Variants in PRKCH observed in about 807,000 individuals in gnomAD.
PRKCH encodes protein kinase C eta type.
Under a neutral mutation model 82.5 loss-of-function variants are expected in PRKCH, and 28 were observed. The ratio of observed to expected loss-of-function variants is 0.34; its 90% CI spans 0.25 to 0.47. The LOEUF is 0.47. Ranked by LOEUF, PRKCH falls within the 20% of genes least tolerant of loss-of-function variation. The probability of loss-of-function intolerance (pLI) is 1.00; values close to 1 mark genes in which losing one functional copy is unlikely to be tolerated. For synonymous variants in PRKCH, 322 were observed against 327.4 expected (o/e 0.98, Z 0.18); for missense variants, 705 against 881.8 (o/e 0.80, Z 2.54).
intron 1 of PRKCH, among the ~76,000 whole-genome samples, chr14:61,192,018 TTGTGTG>T (rs67540297): frequency 1.2e-3 from 184 of 148,718 alleles, no homozygotes; most frequent in Non-Finnish European, 2.0e-3. Flanking sequence ...TCCTAAAACA[TTGTGTG>T]TGTGTGTGTG....
At chr14:61,223,107 T>A (rs2044668102) in intron 1 of PRKCH, among the ~76,000 whole-genome samples, 1 of 152,166 alleles carries the variant, frequency 6.6e-6, no homozygotes, top group Admixed American at 6.5e-5. Flanking sequence ...CAATTCTCCA[T>A]AAGCAAAGAT....
At chr14:61,377,873 C>G (rs2046445730) in intron 1 of PRKCH, among the ~76,000 whole-genome samples, 1 of 152,170 alleles carries the variant, frequency 6.6e-6, no homozygotes, top group Non-Finnish European at 1.5e-5. Context: ...TAGACAAAAT[C>G]TTCCTTTTAC....
At chr14:61,291,052 A>AG (rs2045356703) in intron 1 of PRKCH, among the ~76,000 whole-genome samples, 1 of 152,220 alleles carries the variant, frequency 6.6e-6, no homozygotes, top group African/African-American at 2.4e-5. Flanking sequence ...GAAATAATTT[A>AG]GTGTTTGCTC....
At chr14:61,447,262 T>C (rs958442777) in intron 4 of PRKCH, among the ~76,000 whole-genome samples, 18 of 152,256 alleles carry the variant, frequency 1.2e-4, no homozygotes, top group African/African-American at 4.3e-4. Flanking sequence ...ATTTTTAACA[T>C]GTATGTATGT....
chr14:61,292,045 G>A (rs1594894717), intron 1 of PRKCH, among the ~76,000 whole-genome samples: 1 of 152,008 alleles, frequency 6.6e-6, no homozygotes, highest in Admixed American at 6.6e-5. Flanking sequence ...CAAGAGTCCC[G>A]GAACTCACAT....
intron 10 of PRKCH, among the ~76,000 whole-genome samples, chr14:61,501,345 A>G (rs1886897545): frequency 6.6e-6 from 1 of 152,152 alleles, no homozygotes; most frequent in Admixed American, 6.5e-5. Flanking sequence ...AACAATTAAA[A>G]GAAAGAATAC....
chr14:61,225,070 TG>T (rs2044686722), intron 1 of PRKCH, among the ~76,000 whole-genome samples: 1 of 152,212 alleles, frequency 6.6e-6, no homozygotes, highest in African/African-American at 2.4e-5. Context: ...AAAGCAGCTT[TG>T]GCCGGGGTGA....
chr14:61,203,025 T>A (rs1006783788), intron 1 of PRKCH, among the ~76,000 whole-genome samples: 1 of 152,078 alleles, frequency 6.6e-6, no homozygotes, highest in Non-Finnish European at 1.5e-5. Flanking sequence ...CACCTGTTCA[T>A]CTCTCCCCCT....
In PRKCH at chr14:61,443,363, T is replaced by G. The variant is rs1297933395; in HGVS notation, c.578+102T>G. 3.3e-6 allele frequency: 4 copies of G among 1,228,568 alleles called. No individual in the cohort carries two copies. In the African/African-American group the frequency reaches 4.6e-5, roughly 14 times the overall value. 76.1% of individuals were successfully genotyped at this position (1,228,568 alleles called of 1,614,324 possible). On this transcript the variant is annotated intron_variant, in intron 3 of 13. Coordinates refer to ENST00000332981, the MANE Select transcript of PRKCH (RefSeq NM_006255.5). ...AGAATGCATGATTATTTAAGAATTC[T>G]TTCAGGATCTGATTTTTGCCTCTTA...
At chr14:61,528,182 A>ACC (rs1566929556) in intron 10 of PRKCH, 1 of 151,096 alleles carries the variant, frequency 6.6e-6, no homozygotes, top group African/African-American at 2.5e-5. Context: ...ACACACACAC[A>ACC]AAGTATTTCT....
In PRKCH at chr14:61,453,219, C is replaced by T. The variant is rs1320334402; in HGVS notation, c.833-7C>T. 3.1e-6 allele frequency: 5 copies of T among 1,613,880 alleles called. No individual in the cohort carries two copies. In the African/African-American group the frequency reaches 6.7e-5, roughly 22 times the overall value. ...GAACATGGATTCTGTTTTCCTTTTC[C>T]CTCTAGTATGTAAAATGAATGTGCA... On this transcript the variant is annotated splice_polypyrimidine_tract_variant and splice_region_variant and intron_variant, in intron 6 of 13. Transcript: ENST00000332981.
intron 1 of PRKCH, among the ~76,000 whole-genome samples, chr14:61,196,959 A>G (rs1290134705): frequency 6.6e-6 from 1 of 152,164 alleles, no homozygotes; most frequent in Non-Finnish European, 1.5e-5. Flanking sequence ...TAGGGACATT[A>G]TTGCCCAGAC....
chr14:61,482,296 C>T (rs1886015709), intron 9 of PRKCH, among the ~76,000 whole-genome samples: 1 of 152,206 alleles, frequency 6.6e-6, no homozygotes, highest in South Asian at 2.1e-4. Context: ...CACGCCTGGC[C>T]TGGATCTTCT....
intron 12 of PRKCH, among the ~76,000 whole-genome samples, chr14:61,536,816 A>C (rs927830897): frequency 6.6e-6 from 1 of 152,056 alleles, no homozygotes; most frequent in Non-Finnish European, 1.5e-5. Context: ...ATCTAATATT[A>C]CTGTCCCCAC....
intron 9 of PRKCH, among the ~76,000 whole-genome samples, chr14:61,464,420 T>C (rs967757913): frequency 6.6e-6 from 1 of 152,138 alleles, no homozygotes; most frequent in Non-Finnish European, 1.5e-5. Flanking sequence ...AGTTCTGGGA[T>C]ACATGTGCTG....
In PRKCH at chr14:61,210,788, C is replaced by CTG. The variant is rs1210521677; in HGVS notation, c.-19+23121_-19+23122insGT. Among the ~76,000 whole-genome samples the CTG allele has an allele frequency of 6.8e-5, 9 of 131,722 alleles. No homozygotes were observed. The South Asian group carries it at 2.2e-3, about 32-fold the overall frequency. The allele number at this position is 131,722 out of a possible 152,430, so 86.4% of individuals were successfully genotyped here. The stretch of plus-strand genomic sequence containing the variant: ...TCTCTCTCTCTCTCTCTCTCTCTCT[C>CTG]TCTGTGTGTGTGTGTGTGTGTGTGT... On this transcript the variant is annotated intron_variant, in intron 1 of 3. Transcript: ENST00000555185.
At chr14:61,261,700 G>T (rs2045046082) in intron 1 of PRKCH, among the ~76,000 whole-genome samples, 1 of 151,522 alleles carries the variant, frequency 6.6e-6, no homozygotes, top group Non-Finnish European at 1.5e-5. Flanking sequence ...CTTGGCCTAG[G>T]AATCCTTTTA....
intron 1 of PRKCH, among the ~76,000 whole-genome samples, chr14:61,237,994 GTTGGCTGCCTGTGA>G (rs1174550528): frequency 3.3e-5 from 5 of 152,254 alleles, no homozygotes; most frequent in Non-Finnish European, 4.4e-5. Flanking sequence ...GGCTTGAAGA[GTTGGCTGCCTGTGA>G]TTGGCTGAGA....
At position 61,484,267 on chromosome 14, in the gene PRKCH, G is replaced by A. The variant is rs1477987881; in HGVS notation, c.1279-1235G>A. Among the ~76,000 whole-genome samples, 4 of 139,526 alleles carry A rather than the reference G, an allele frequency of 2.9e-5. No homozygotes were observed. The Admixed American group carries it at 2.9e-4, about 10-fold the overall frequency. 91.5% of individuals were successfully genotyped at this position (139,526 alleles called of 152,430 possible). A position where few individuals can be genotyped will look rare whatever the true frequency, so the allele number is the denominator to read the frequency against. On this transcript the variant is annotated intron_variant, in intron 9 of 13. Transcript: ENST00000332981. ...TGCTTTTCCTTCACAGGATTTACCAGAATTTGTCAATCTGCTTGTGTCACT... is the reference window on the plus strand; with the variant it reads ...TGCTTTTCCTTCACAGGATTTACCAAAATTTGTCAATCTGCTTGTGTCACT...
Sources: allele counts gnomAD v4.1 joint callset (sites outside exome capture counted in the v4.1 genomes callset), GRCh38; gene constraint gnomAD v4.1.1; transcripts MANE v1.5; gene names NCBI Gene and HGNC (gene_info 2026-07-23, HGNC 2026-07-21).